Variants in TSPAN5 observed in about 807,000 individuals in gnomAD.
TSPAN5 encodes the protein tetraspanin 5, also known as tetraspanin-5.
Under a neutral mutation model 37.1 loss-of-function variants are expected in TSPAN5, and 10 were observed. The observed-to-expected ratio is 0.27, with a 90% CI of 0.17 to 0.46. TSPAN5 has a LOEUF of 0.46. Among genes scored for constraint, TSPAN5 ranks in the 20% least tolerant of loss-of-function variants. The pLI, the probability that TSPAN5 is intolerant of heterozygous loss-of-function variation, is 1.00. For synonymous variants in TSPAN5, 110 were observed against 118.9 expected (o/e 0.93, Z 0.48); for missense variants, 195 against 326.6 (o/e 0.60, Z 3.11).
chr4:98,605,118 T>C (rs956364098), intron 1 of TSPAN5, among the ~76,000 whole-genome samples: 7 of 152,244 alleles, frequency 4.6e-5, no homozygotes, highest in Admixed American at 2.0e-4. Context: ...TTATTGCTTA[T>C]GTGTTATCTC....
intron 1 of TSPAN5, among the ~76,000 whole-genome samples, chr4:98,515,366 A>C (rs1193926373): frequency 1.3e-5 from 2 of 152,172 alleles, no homozygotes; most frequent in Non-Finnish European, 2.9e-5. Context: ...AAGTATTGTC[A>C]TTAATATCAG....
At chr4:98,524,615 A>T (rs1308282607) in intron 1 of TSPAN5, among the ~76,000 whole-genome samples, 1 of 152,014 alleles carries the variant, frequency 6.6e-6, no homozygotes, top group East Asian at 1.9e-4. Flanking sequence ...TTTCCTCCAA[A>T]TCTCCTTTAA....
intron 1 of TSPAN5, among the ~76,000 whole-genome samples, chr4:98,607,731 A>T (rs1399292252): frequency 6.7e-6 from 1 of 148,248 alleles, no homozygotes; most frequent in Non-Finnish European, 1.5e-5. Flanking sequence ...TTTTTTTGAG[A>T]TGGAGTCTCA....
At chr4:98,635,570 C>A (rs561890807) in intron 1 of TSPAN5, among the ~76,000 whole-genome samples, 1 of 152,192 alleles carries the variant, frequency 6.6e-6, no homozygotes, top group Non-Finnish European at 1.5e-5. Context: ...TTTAAACCCA[C>A]CTTCGATTTA....
chr4:98,514,276 T>C (rs775301989), intron 1 of TSPAN5, among the ~76,000 whole-genome samples: 2 of 152,220 alleles, frequency 1.3e-5, no homozygotes, highest in African/African-American at 4.8e-5. Flanking sequence ...CTGCAGCACC[T>C]GTACTCTGTA....
chr4:98,598,058 A>C (rs1755788626), intron 1 of TSPAN5, among the ~76,000 whole-genome samples: 1 of 81,026 alleles, frequency 1.2e-5, no homozygotes. Flanking sequence ...TTGCAGTTTG[A>C]TCTCAGACTG....
intron 1 of TSPAN5, among the ~76,000 whole-genome samples, chr4:98,513,506 G>A (rs1560518585): frequency 6.6e-6 from 1 of 152,128 alleles, no homozygotes; most frequent in Non-Finnish European, 1.5e-5. Context: ...GAAACGGTCG[G>A]AATTGAGAGC....
intron 4 of TSPAN5, 149 bp from the exon 5 acceptor site, chr4:98,478,959 GC>G: frequency 1.0e-6 from 1 of 964,790 alleles, no homozygotes; most frequent in Non-Finnish European, 1.5e-6. Flanking sequence ...AACCTAAATG[GC>G]CCATATAAAA....
intron 1 of TSPAN5, among the ~76,000 whole-genome samples, chr4:98,623,955 C>T (rs893521618): frequency 1.4e-4 from 22 of 151,998 alleles, no homozygotes; most frequent in Admixed American, 1.4e-3. Context: ...TTAAGGTAAG[C>T]CTATGTCAGG....
chr4:98,475,850 C>T (rs1752682038), intron 7 of TSPAN5, among the ~76,000 whole-genome samples: 3 of 151,834 alleles, frequency 2.0e-5, no homozygotes, highest in Admixed American at 1.3e-4. Flanking sequence ...ATTAGCCGGG[C>T]GTAGTGGCGG....
intron 1 of TSPAN5, among the ~76,000 whole-genome samples, chr4:98,552,520 G>A (rs1409606066): frequency 6.6e-6 from 1 of 152,018 alleles, no homozygotes; most frequent in Non-Finnish European, 1.5e-5. Context: ...TCTTTCTTTG[G>A]GCAATAAGCT....
chr4:98,500,083 A>G (rs1266574620), intron 2 of TSPAN5: 2 of 152,184 alleles, frequency 1.3e-5, no homozygotes, highest in African/African-American at 2.4e-5. Flanking sequence ...TCAGCATCTC[A>G]GTAATGTCTC....
chr4:98,615,120 G>T (rs976056639), intron 1 of TSPAN5, among the ~76,000 whole-genome samples: 1 of 151,794 alleles, frequency 6.6e-6, no homozygotes, highest in South Asian at 2.1e-4. Context: ...CCATACCTGT[G>T]TGGCCCAGCC....
intron 1 of TSPAN5, among the ~76,000 whole-genome samples, chr4:98,634,801 TGAG>T (rs72450003): frequency 0.11 from 16,909 of 152,046 alleles, 1,161 homozygotes; most frequent in South Asian, 0.3. Flanking sequence ...GTGGGGAGAA[TGAG>T]GAGAAGATAA....
chr4:98,507,857 T>A (rs956530226), intron 1 of TSPAN5, 129 bp from the exon 2 acceptor site: 3 of 635,726 alleles, frequency 4.7e-6, no homozygotes, highest in South Asian at 4.3e-5. Flanking sequence ...TGAGCACTTA[T>A]CTTTACCAGG....
At chr4:98,545,133 A>G (rs1348025715) in intron 1 of TSPAN5, among the ~76,000 whole-genome samples, 1 of 152,200 alleles carries the variant, frequency 6.6e-6, no homozygotes, top group Non-Finnish European at 1.5e-5. Flanking sequence ...CAGATGCAAG[A>G]CTAAGCTGAA....
intron 1 of TSPAN5, among the ~76,000 whole-genome samples, chr4:98,646,646 C>T (rs911603589): frequency 6.6e-6 from 1 of 152,178 alleles, no homozygotes; most frequent in Non-Finnish European, 1.5e-5. Context: ...ACGATAAGAA[C>T]TGCGTGCCAC....
chr4:98,503,068 T>C (rs1439608264), intron 2 of TSPAN5, among the ~76,000 whole-genome samples: 1 of 151,914 alleles, frequency 6.6e-6, no homozygotes, highest in Non-Finnish European at 1.5e-5. Flanking sequence ...AGATGCTAGA[T>C]AGAGGCTCTG....
intron 1 of TSPAN5, among the ~76,000 whole-genome samples, chr4:98,612,240 G>A (rs1363939095): frequency 2.0e-5 from 3 of 152,152 alleles, no homozygotes; most frequent in Non-Finnish European, 4.4e-5. Context: ...GAAGGGAGAA[G>A]AGGAGTGGGG....
Sources: gnomAD v4.1 joint callset for allele counts (sites outside exome capture counted in the v4.1 genomes callset) on GRCh38, gnomAD v4.1.1 for gene constraint, MANE v1.5 for transcripts, NCBI Gene and HGNC (gene_info 2026-07-23, HGNC 2026-07-21) for gene names.